PPM1E: variants seen among roughly 807,000 people sequenced by gnomAD.
PPM1E encodes protein phosphatase 1E.
Under a neutral mutation model 65.9 loss-of-function variants are expected in PPM1E, and 20 were observed. The observed-to-expected ratio is 0.30, with a 90% CI of 0.21 to 0.44. PPM1E has a LOEUF of 0.44. Among genes scored for constraint, PPM1E ranks in the 20% least tolerant of loss-of-function variants. The pLI, the probability that PPM1E is intolerant of heterozygous loss-of-function variation, is 1.00. For missense variants in PPM1E, 713 were observed against 953.1 expected (o/e 0.75, Z 3.32); for synonymous variants, 352 against 374.9 (o/e 0.94, Z 0.70).
intron 1 of PPM1E, among the ~76,000 whole-genome samples, chr17:58,883,329 C>T: frequency 6.6e-6 from 1 of 151,922 alleles, no homozygotes; most frequent in East Asian, 1.9e-4. Flanking sequence ...TTGTTTGTTA[C>T]AGTTATCTCT....
chr17:58,980,595 A>T lies in PPM1E; in HGVS notation c.1832A>T (p.Lys611Ile), dbSNP rs149595183. ...NLINELMMEK[K>I]SVQSSLPEWS... ...ATTAATGAGTTAATGATGGAGAAAA[A>T]ATCAGTTCAGTCATCATTGCCTGAA... The change falls in exon 7 of 7, where the codon AAA (lysine) becomes ATA (isoleucine). Residue 611 changes from lysine to isoleucine, a missense_variant. Lys to Ile is a moderately radical substitution (Grantham distance 102). Coordinates refer to ENST00000308249, the MANE Select transcript of PPM1E (RefSeq NM_014906.5). The surrounding 1 kb of genome is among the most constrained non-coding windows in gnomAD (Gnocchi z 4.7). 173 of 1,614,070 alleles carry T rather than the reference A, an allele frequency of 1.1e-4. No homozygotes were observed. The highest frequency in any genetic ancestry group is 1.4e-4 in the Non-Finnish European group (162 of 1,180,042).
intron 1 of PPM1E, among the ~76,000 whole-genome samples, chr17:58,859,188 T>G (rs1183272711): frequency 6.6e-6 from 1 of 152,178 alleles, no homozygotes; most frequent in African/African-American, 2.4e-5. Flanking sequence ...GGTTACAGTT[T>G]GCTACGTTTC....
intron 1 of PPM1E, among the ~76,000 whole-genome samples, chr17:58,938,482 C>A (rs907822849): frequency 2.0e-5 from 3 of 152,074 alleles, no homozygotes. Context: ...TGTAATTATT[C>A]TTCATATATA....
intron 1 of PPM1E, among the ~76,000 whole-genome samples, chr17:58,758,601 G>A (rs916756419): frequency 6.6e-6 from 1 of 152,108 alleles, no homozygotes; most frequent in Admixed American, 6.5e-5. Flanking sequence ...TGGCCATCTA[G>A]TTGAGAACAG....
At chr17:58,940,508 A>T (rs2143599692) in intron 1 of PPM1E, among the ~76,000 whole-genome samples, 1 of 152,344 alleles carries the variant, frequency 6.6e-6, no homozygotes, top group South Asian at 2.1e-4. Flanking sequence ...AGGTAAAAAA[A>T]TTATATTAAC....
intron 1 of PPM1E, among the ~76,000 whole-genome samples, chr17:58,837,332 T>TACACACACACACACACAC (rs59797345): frequency 1.6e-4 from 21 of 131,322 alleles, no homozygotes; most frequent in Admixed American, 2.4e-4. Flanking sequence ...CACACACACA[T>TACACACACACACACACAC]ACACACACAC....
chr17:58,949,500 G>C (rs1253756298), intron 1 of PPM1E, among the ~76,000 whole-genome samples: 1 of 151,938 alleles, frequency 6.6e-6, no homozygotes, highest in Non-Finnish European at 1.5e-5. Context: ...CTTTTAATTG[G>C]GAATTTTAAC....
At chr17:58,879,065 G>C (rs2051159990) in intron 1 of PPM1E, among the ~76,000 whole-genome samples, 1 of 151,958 alleles carries the variant, frequency 6.6e-6, no homozygotes, top group African/African-American at 2.4e-5. Context: ...CAATAATCCA[G>C]ACACTGGAAT....
intron 1 of PPM1E, among the ~76,000 whole-genome samples, chr17:58,771,070 T>C (rs1173806368): frequency 6.6e-6 from 1 of 151,862 alleles, no homozygotes; most frequent in African/African-American, 2.4e-5. Flanking sequence ...TTGGCCAGGA[T>C]AGTCTTTATC....
At chr17:58,830,284 T>TTGA (rs1262217248) in intron 1 of PPM1E, among the ~76,000 whole-genome samples, 8 of 138,202 alleles carry the variant, frequency 5.8e-5, no homozygotes, top group African/African-American at 2.2e-4. Context: ...ACTGTTGTTG[T>TTGA]TGTTGTTGTT....
intron 1 of PPM1E, among the ~76,000 whole-genome samples, chr17:58,938,267 T>G (rs571710868): frequency 6.6e-6 from 1 of 152,344 alleles, no homozygotes; most frequent in East Asian, 1.9e-4. Flanking sequence ...TTGAGGAAAT[T>G]GAAATCCAGG....
At chr17:58,959,047 G>C (rs939349843) in intron 2 of PPM1E, among the ~76,000 whole-genome samples, 1 of 152,072 alleles carries the variant, frequency 6.6e-6, no homozygotes, top group Non-Finnish European at 1.5e-5. Context: ...TGGTGGCTAC[G>C]TCTGTAATCC....
chr17:58,921,531 A>T (rs2051750385), intron 1 of PPM1E, among the ~76,000 whole-genome samples: 1 of 151,810 alleles, frequency 6.6e-6, no homozygotes, highest in South Asian at 2.1e-4. Flanking sequence ...AAACAAACAA[A>T]CAAACAAACA....
At chr17:58,894,042 C>T (rs1180919705) in intron 1 of PPM1E, among the ~76,000 whole-genome samples, 1 of 151,924 alleles carries the variant, frequency 6.6e-6, no homozygotes, top group African/African-American at 2.4e-5. Flanking sequence ...CACTGCACTC[C>T]AACTTGGGCA....
chr17:58,796,286 C>T (rs2050205208), intron 1 of PPM1E, among the ~76,000 whole-genome samples: 1 of 152,150 alleles, frequency 6.6e-6, no homozygotes, highest in Non-Finnish European at 1.5e-5. Context: ...CTCCCATGAT[C>T]CTCCCTCCTT....
At chr17:58,964,863 G>A (rs1047031669) in intron 2 of PPM1E, among the ~76,000 whole-genome samples, 2 of 152,002 alleles carry the variant, frequency 1.3e-5, no homozygotes, top group Non-Finnish European at 2.9e-5. Context: ...GGCCAACATG[G>A]TGAAACCCTG....
intron 1 of PPM1E, among the ~76,000 whole-genome samples, chr17:58,855,689 A>T (rs1227656559): frequency 6.6e-6 from 1 of 152,188 alleles, no homozygotes; most frequent in Non-Finnish European, 1.5e-5. Flanking sequence ...TTAAAGATAA[A>T]TTTTTTAAAT....
chr17:58,779,553 A>G (rs2050031733), intron 1 of PPM1E, among the ~76,000 whole-genome samples: 1 of 152,180 alleles, frequency 6.6e-6, no homozygotes, highest in African/African-American at 2.4e-5. Flanking sequence ...GTATTTCACT[A>G]ATGGATTGCA....
rs756441170 is a variant in PPM1E at position 58,955,646 on chromosome 17, C to A, written c.465-3C>A. The A allele has an allele frequency of 6.2e-7, 1 of 1,612,408 alleles. No individual in the cohort carries two copies. Among genetic ancestry groups the A allele is most frequent in the Admixed American group, 1.7e-5 (1 of 59,696 alleles). ...AAATGGCCTTTTATCTTTTTTCTTG[C>A]AGTAATTGCCCTTCCTTTTTGGCTG... On this transcript the variant is annotated splice_region_variant and splice_polypyrimidine_tract_variant and intron_variant, in intron 1 of 6. Transcript: ENST00000308249.
Sources: gnomAD v4.1 joint callset for allele counts (sites outside exome capture counted in the v4.1 genomes callset) on GRCh38, gnomAD v4.1.1 for gene constraint, Gnocchi (gnomAD v3.1) non-coding constraint, MANE v1.5 for transcripts, NCBI Gene and HGNC (gene_info 2026-07-23, HGNC 2026-07-21) for gene names.